OR5H1: variants seen among roughly 807,000 people sequenced by gnomAD.
The protein encoded by OR5H1 is olfactory receptor family 5 subfamily H member 1.
For missense variants in OR5H1, 378 were observed against 366.8 expected, an observed-to-expected ratio of 1.03 and a Z score of -0.25; for synonymous variants, 124 against 134.4, an observed-to-expected ratio of 0.92 and a Z score of 0.54.
rs1395218662 is a variant in OR5H1, at chr3:98,136,454, T to C, written c.*2815T>C. ...TGTACTCAAAAAGGTCCTAAAAGTA[T>C]ATTTCAGTTCCTGGGCCTTCCAGAG... On this transcript the variant is annotated 3_prime_UTR_variant, in exon 2 of 2. Coordinates refer to ENST00000641874, the MANE Select transcript of OR5H1 (RefSeq NM_001005338.2). The C allele has an allele frequency of 6.6e-6, 1 of 152,178 alleles. No homozygotes were observed. The highest frequency in any genetic ancestry group is 2.4e-5 in the African/African-American group (1 of 41,450). The allele number at this position is 152,178 out of a possible 1,614,324, so 9.4% of individuals were successfully genotyped here. A position where few individuals can be genotyped will look rare whatever the true frequency, so the allele number is the denominator to read the frequency against.
In OR5H1 at chr3:98,137,838, A is replaced by G. The variant is rs1040809815; in HGVS notation, c.*4199A>G. The G allele has an allele frequency of 6.6e-6, 1 of 152,198 alleles. No individual in the cohort carries two copies. The highest frequency in any genetic ancestry group is 2.1e-4 in the South Asian group (1 of 4,832). The allele number at this position is 152,198 out of a possible 1,614,324, so 9.4% of individuals were successfully genotyped here. On this transcript the variant is annotated 3_prime_UTR_variant, in exon 2 of 2. Coordinates refer to ENST00000641874, the MANE Select transcript of OR5H1 (RefSeq NM_001005338.2). Reference sequence around the variant, plus strand: ...AGTAGACTTCTTATTAAACATAATTATGGTTTAAAAGTTCATTTATAAACG... The same window carrying G: ...AGTAGACTTCTTATTAAACATAATTGTGGTTTAAAAGTTCATTTATAAACG...
At chr3:98,132,383 A>G (rs1708265879) in intron 1 of OR5H1, among the ~76,000 whole-genome samples, 1 of 152,070 alleles carries the variant, frequency 6.6e-6, no homozygotes, top group Non-Finnish European at 1.5e-5. Flanking sequence ...TTGACATTGT[A>G]TCATATGCCA....
Position 98,135,555 on chromosome 3 carries a change from C to T in OR5H1, c.*1916C>T, listed in dbSNP as rs1213883011. On this transcript the variant is annotated 3_prime_UTR_variant, in exon 2 of 2. Transcript: ENST00000641874. ...ATAAGTTACAATGTCTGGTCTCTTACAGAAGTGTTTCTTTTATGGACACTT... is the reference window on the plus strand; with the variant it reads ...ATAAGTTACAATGTCTGGTCTCTTATAGAAGTGTTTCTTTTATGGACACTT... 6.6e-6 allele frequency: 1 copy of T among 152,158 alleles called. No homozygotes were observed. Among genetic ancestry groups the T allele is most frequent in the African/African-American group, 2.4e-5 (1 of 41,434 alleles). 9.4% of individuals were successfully genotyped at this position (152,158 alleles called of 1,614,324 possible). A position where few individuals can be genotyped will look rare whatever the true frequency, so the allele number is the denominator to read the frequency against.
rs776707290 is a variant in OR5H1 at position 98,132,978 on chromosome 3, T to C, written c.281T>C (p.Leu94Pro). 5 of 1,613,518 alleles carry C rather than the reference T, an allele frequency of 3.1e-6. No individual in the cohort carries two copies. Among genetic ancestry groups the C allele is most frequent in the Middle Eastern group, 1.6e-4 (1 of 6,078 alleles). ...TTAGCTAAGAGTAAGATGATATCTC[T>C]CTCTGAATGCAAGATACAGTTTTTT... ...NFLAKSKMIS[L>P]SECKIQFFSF... is the part of the protein sequence containing the mutation. Residue 94 changes from leucine (L) to proline (P), a missense_variant, in exon 2 of 2, where the codon CTC becomes CCC. Physicochemically the swap from Leu to Pro is moderately conservative, Grantham distance 98 (BLOSUM62 -3). Coordinates refer to ENST00000641874, the MANE Select transcript of OR5H1 (RefSeq NM_001005338.2).
intron 1 of OR5H1, among the ~76,000 whole-genome samples, chr3:98,132,048 G>A (rs938755181): frequency 6.6e-6 from 1 of 151,786 alleles, no homozygotes. Flanking sequence ...CAGATCCCCA[G>A]ACCTAATTCC....
chr3:98,132,648 T>A (rs1227487606), intron 1 of OR5H1, 32 bp from the exon 2 acceptor site: 1 of 1,599,344 alleles, frequency 6.3e-7, no homozygotes, highest in Admixed American at 1.7e-5. Flanking sequence ...CCATTGCAAA[T>A]GTTCCCTTTC....
intron 1 of OR5H1, among the ~76,000 whole-genome samples, chr3:98,132,354 C>T (rs568912400): frequency 2.6e-5 from 4 of 151,840 alleles, no homozygotes; most frequent in Non-Finnish European, 2.9e-5. Context: ...TAATTCAGAC[C>T]GTACAAAAAT....
chr3:98,131,746 T>A (rs1285423696), intron 1 of OR5H1, among the ~76,000 whole-genome samples: 1 of 151,988 alleles, frequency 6.6e-6, no homozygotes, highest in Non-Finnish European at 1.5e-5. Flanking sequence ...TCTAATAGGC[T>A]CATATTACTG....
At position 98,136,720 on chromosome 3, in the gene OR5H1, T is replaced by G. The variant is rs968352543; in HGVS notation, c.*3081T>G. On this transcript the variant is annotated 3_prime_UTR_variant, in exon 2 of 2. Transcript: ENST00000641874. ...ATAAGCATGTTCTTACTGTCTTAGT[T>G]CCCATGAGGGCTGGTTGATAAAAGA... 1 of 152,166 alleles carries G rather than the reference T, an allele frequency of 6.6e-6. No homozygotes were observed. Among genetic ancestry groups the G allele is most frequent in the Non-Finnish European group, 1.5e-5 (1 of 68,046 alleles). 9.4% of individuals were successfully genotyped at this position (152,166 alleles called of 1,614,324 possible). A position where few individuals can be genotyped will look rare whatever the true frequency, so the allele number is the denominator to read the frequency against.
chr3:98,130,940 A>G (rs897929887), intron 1 of OR5H1, 90 bp downstream of exon 1: 1 of 152,134 alleles, frequency 6.6e-6, no homozygotes, highest in African/African-American at 2.4e-5. Context: ...AGATTGGGTA[A>G]CAAGTTGTCA....
rs1165332060 is a variant in OR5H1, at chr3:98,134,008, T to A, written c.*369T>A. The A allele has an allele frequency of 5.4e-6, 1 of 185,020 alleles. No individual in the cohort carries two copies. Among genetic ancestry groups the A allele is most frequent in the African/African-American group, 2.4e-5 (1 of 41,216 alleles). The allele number at this position is 185,020 out of a possible 1,614,324, so 11.5% of individuals were successfully genotyped here. On this transcript the variant is annotated 3_prime_UTR_variant, in exon 2 of 2. Coordinates refer to ENST00000641874, the MANE Select transcript of OR5H1 (RefSeq NM_001005338.2). The stretch of plus-strand genomic sequence containing the variant: ...TGAATTACCTGCGATATCCATCATA[T>A]ACCATAACTGAGGCAGATTTGTTTT...
chr3:98,132,089 C>T (rs1708263751), intron 1 of OR5H1, among the ~76,000 whole-genome samples: 1 of 151,980 alleles, frequency 6.6e-6, no homozygotes, highest in African/African-American at 2.4e-5. Context: ...AACCTCATAA[C>T]ATATTTTTCA....
In OR5H1 at chr3:98,137,994, G is replaced by A. The variant is rs1016872846; in HGVS notation, c.*4355G>A. ...TTCTTGTTAACTACATTTACAGCACGTTTATGTCAGTGTAGCAGGACGAGC... is the reference window on the plus strand; with the variant it reads ...TTCTTGTTAACTACATTTACAGCACATTTATGTCAGTGTAGCAGGACGAGC... On this transcript the variant is annotated 3_prime_UTR_variant, in exon 2 of 2. Transcript: ENST00000641874. The A allele has an allele frequency of 3.9e-5, 6 of 152,040 alleles. No homozygotes were observed. The highest frequency in any genetic ancestry group is 6.6e-5 in the Admixed American group (1 of 15,262). The allele number at this position is 152,040 out of a possible 1,614,324, so 9.4% of individuals were successfully genotyped here. A position where few individuals can be genotyped will look rare whatever the true frequency, so the allele number is the denominator to read the frequency against.
Position 98,133,442 on chromosome 3 carries a change from T to C in OR5H1, c.745T>C (p.Ser249Pro), listed in dbSNP as rs201420762. 3.1e-6 allele frequency: 5 copies of C among 1,613,580 alleles called. No homozygotes were observed. In the African/African-American group the frequency reaches 4.0e-5, roughly 13 times the overall value. ...STCGAHLFSV[S>P]LYYGPLLFIY... ...CTGTGGAGCCCATCTCTTCTCTGTC[T>C]CTTTATACTATGGACCCCTTCTCTT... is the stretch of plus-strand genomic sequence containing the variant. Residue 249 changes from serine to proline, a missense_variant, in exon 2 of 2, where the codon TCT (serine) becomes CCT (proline). Transcript: ENST00000641874.
rs1708332954 is a variant in OR5H1, at chr3:98,137,452, A to T, written c.*3813A>T. On this transcript the variant is annotated 3_prime_UTR_variant, in exon 2 of 2. Transcript: ENST00000641874. ...TTAACTAGAATTCTAAACTCTTAGT[A>T]ACTTTCTTTTCTGGGATAGAAGCGA... 3 of 152,168 alleles carry T rather than the reference A, an allele frequency of 2.0e-5. No individual in the cohort carries two copies. The South Asian group carries it at 6.2e-4, about 32-fold the overall frequency. 9.4% of individuals were successfully genotyped at this position (152,168 alleles called of 1,614,324 possible).
rs988478522 is a variant in OR5H1, at chr3:98,135,633, C to G, written c.*1994C>G. 3.9e-5 allele frequency: 6 copies of G among 152,086 alleles called. No homozygotes were observed. Among genetic ancestry groups the G allele is most frequent in the African/African-American group, 1.4e-4 (6 of 41,430 alleles). 9.4% of individuals were successfully genotyped at this position (152,086 alleles called of 1,614,324 possible). A position where few individuals can be genotyped will look rare whatever the true frequency, so the allele number is the denominator to read the frequency against. On this transcript the variant is annotated 3_prime_UTR_variant, in exon 2 of 2. Coordinates refer to ENST00000641874, the MANE Select transcript of OR5H1 (RefSeq NM_001005338.2). ...AAAATCTGGCACAGTGTAGTGGCTACAAACTTGTATTTAAAACTCTTGAGA... is the reference window on the plus strand; with the variant it reads ...AAAATCTGGCACAGTGTAGTGGCTAGAAACTTGTATTTAAAACTCTTGAGA...
At position 98,137,447 on chromosome 3, in the gene OR5H1, T is replaced by G. The variant is rs752934109; in HGVS notation, c.*3808T>G. ...ACACATTAACTAGAATTCTAAACTC[T>G]TAGTAACTTTCTTTTCTGGGATAGA... is the stretch of plus-strand genomic sequence containing the variant. On this transcript the variant is annotated 3_prime_UTR_variant, in exon 2 of 2. Transcript: ENST00000641874. The G allele has an allele frequency of 2.6e-5, 4 of 152,216 alleles. No homozygotes were observed. The highest frequency in any genetic ancestry group is 4.8e-5 in the African/African-American group (2 of 41,470). The allele number at this position is 152,216 out of a possible 1,614,324, so 9.4% of individuals were successfully genotyped here.
chr3:98,136,129 C>A lies in OR5H1; in HGVS notation c.*2490C>A, dbSNP rs536781488. ...CAGAACTGGAATTTAATTATGGGTG[C>A]GCTATATTTTTCTACTGAAACATGA... On this transcript the variant is annotated 3_prime_UTR_variant, in exon 2 of 2. Coordinates refer to ENST00000641874, the MANE Select transcript of OR5H1 (RefSeq NM_001005338.2). 1.3e-5 allele frequency: 2 copies of A among 152,046 alleles called. No individual in the cohort carries two copies. The highest frequency in any genetic ancestry group is 4.2e-4 in the South Asian group (2 of 4,814). The allele number at this position is 152,046 out of a possible 1,614,324, so 9.4% of individuals were successfully genotyped here. A position where few individuals can be genotyped will look rare whatever the true frequency, so the allele number is the denominator to read the frequency against.
Position 98,136,076 on chromosome 3 carries a change from T to C in OR5H1, c.*2437T>C, listed in dbSNP as rs968748153. On this transcript the variant is annotated 3_prime_UTR_variant, in exon 2 of 2. Coordinates refer to ENST00000641874, the MANE Select transcript of OR5H1 (RefSeq NM_001005338.2). ...CTTCAGGAATAGGACAGTTTCTAAG[T>C]AGATAATAAAACATCAAAGACAATG... 4 of 152,182 alleles carry C rather than the reference T, an allele frequency of 2.6e-5. No homozygotes were observed. Among genetic ancestry groups the C allele is most frequent in the African/African-American group, 9.6e-5 (4 of 41,460 alleles). The allele number at this position is 152,182 out of a possible 1,614,324, so 9.4% of individuals were successfully genotyped here. A position where few individuals can be genotyped will look rare whatever the true frequency, so the allele number is the denominator to read the frequency against.
Sources: allele counts gnomAD v4.1 joint callset (sites outside exome capture counted in the v4.1 genomes callset), GRCh38; gene constraint gnomAD v4.1.1; transcripts MANE v1.5; gene names NCBI Gene and HGNC (gene_info 2026-07-23, HGNC 2026-07-21).